The following PCSK4 variants were observed in gnomAD, a reference collection of about 807,000 sequenced individuals.
The protein encoded by PCSK4 is proprotein convertase subtilisin/kexin type 4, also known as testicular tissue protein Li 135.
Under a neutral mutation model 80.3 loss-of-function variants are expected in PCSK4, and 64 were observed. The observed-to-expected ratio is 0.80, with a 90% CI of 0.65 to 0.98. PCSK4 has a LOEUF of 0.98. PCSK4 is among the 50% of genes least tolerant of loss of function. PCSK4 has a pLI of 0.00. For synonymous variants in PCSK4, 561 were observed against 487.6 expected, an observed-to-expected ratio of 1.15 and a Z score of -1.98; for missense variants, 1,213 against 1,093.6, an observed-to-expected ratio of 1.11 and a Z score of -1.54.
chr19:1,482,844 G>C (rs1360749283), intron 13 of PCSK4, 52 bp downstream of exon 13: 9 of 1,594,952 alleles, frequency 5.6e-6, no homozygotes, highest in Middle Eastern at 1.8e-4. Flanking sequence ...GAGCCCCTGG[G>C]GGGAGGTTGG....
At chr19:1,484,218 T>A in intron 8 of PCSK4, 91 bp from the exon 9 acceptor site, 1 of 735,126 alleles carries the variant, frequency 1.4e-6, no homozygotes, top group Non-Finnish European at 2.3e-6. Flanking sequence ...GCGGGCGCAG[T>A]GGCTCAGGCC....
At chr19:1,489,595 G>A (rs558807529) in intron 2 of PCSK4, 198 bp downstream of exon 2, 2 of 950,266 alleles carry the variant, frequency 2.1e-6, no homozygotes, top group African/African-American at 1.7e-5. Flanking sequence ...CTGTGTACCA[G>A]GCCCTGGCAG....
At chr19:1,489,604 A>C in intron 2 of PCSK4, 189 bp downstream of exon 2, 3 of 1,012,616 alleles carry the variant, frequency 3.0e-6, no homozygotes, top group Middle Eastern at 2.5e-4. Flanking sequence ...AGGCCCTGGC[A>C]GGCGCCATGA....
At chr19:1,487,715 T>C in intron 5 of PCSK4, 24 bp from the exon 6 acceptor site, 1 of 1,550,298 alleles carries the variant, frequency 6.5e-7, no homozygotes, top group Non-Finnish European at 8.7e-7. Flanking sequence ...CAAGAGGGGC[T>C]CCTGTCACGG....
At chr19:1,481,438 G>A (rs548362508) in exon 15 of PCSK4, 2 of 250,596 alleles carry the variant, frequency 8.0e-6, no homozygotes, top group Non-Finnish European at 7.6e-6. Context: ...CACCTTCTAA[G>A]CAACCTTTAT....
exon 8 of PCSK4, chr19:1,487,037 A>G (rs1279542507): frequency 1.9e-6 from 3 of 1,607,452 alleles, no homozygotes; most frequent in Non-Finnish European, 2.5e-6. Flanking sequence ...CGAGGCCCAG[A>G]TGAAGAGCGT....
chr19:1,483,653 G>C, exon 11 of PCSK4: 1 of 1,586,722 alleles, frequency 6.3e-7, no homozygotes, highest in Non-Finnish European at 8.5e-7. Context: ...GTCTCACGTG[G>C]GGCGGCTCTG....
At position 1,483,617 on chromosome 19, in the gene PCSK4, C is replaced by T. The variant is rs777956138; in HGVS notation, c.1391+33G>A. 11 of 1,516,670 alleles carry T rather than the reference C, an allele frequency of 7.3e-6. No homozygotes were observed. In the East Asian group the frequency reaches 1.2e-4, roughly 16 times the overall value. The allele number at this position is 1,516,670 out of a possible 1,614,324, so 94.0% of individuals were successfully genotyped here. A position where few individuals can be genotyped will look rare whatever the true frequency, so the allele number is the denominator to read the frequency against. ...TCAGGCCTGTCCCCCACACCCCCAGCGGGGATAGCGGAGGGGCGCGCAGGG... is the reference window on the plus strand; with the variant it reads ...TCAGGCCTGTCCCCCACACCCCCAGTGGGGATAGCGGAGGGGCGCGCAGGG... On this transcript the variant is annotated intron_variant, in intron 11 of 14. Coordinates refer to ENST00000300954, the Ensembl canonical transcript of PCSK4.
rs746597525 is a variant in PCSK4, at chr19:1,483,990, G to T, written c.1169+37C>A. 2.0e-6 allele frequency: 3 copies of T among 1,485,098 alleles called. No individual in the cohort carries two copies. In the East Asian group the frequency reaches 8.1e-5, roughly 40 times the overall value. The allele number at this position is 1,485,098 out of a possible 1,614,324, so 92.0% of individuals were successfully genotyped here. A position where few individuals can be genotyped will look rare whatever the true frequency, so the allele number is the denominator to read the frequency against. Reference sequence around the variant, plus strand: ...GGGTGAGCCGCCGGGCCGCGCCTGGGGGCGAGGGCGGTGGACCGGGCCCCG... The same window carrying T: ...GGGTGAGCCGCCGGGCCGCGCCTGGTGGCGAGGGCGGTGGACCGGGCCCCG... On this transcript the variant is annotated intron_variant, in intron 9 of 14. Transcript: ENST00000300954.
intron 8 of PCSK4, among the ~76,000 whole-genome samples, chr19:1,485,426 A>G (rs557241286): frequency 6.6e-5 from 10 of 151,964 alleles, no homozygotes; most frequent in African/African-American, 2.2e-4. Context: ...AATTAGCAGG[A>G]CATGGTGGCA....
Position 1,481,959 on chromosome 19 carries a change from C to T in PCSK4, c.2068G>A (p.Asp690Asn), listed in dbSNP as rs370118405. Reference sequence around the variant, plus strand: ...GCAGCTCTAAGCCGGGGGCGGCTGTCGGGGGTGGTGGGTCCCATGCAGGAG... The same window carrying T: ...GCAGCTCTAAGCCGGGGGCGGCTGTTGGGGGTGGTGGGTCCCATGCAGGAG... The change falls in exon 15 of 15, where the codon GAC (aspartate) becomes AAC (asparagine). Residue 690 changes from aspartate (D) to asparagine (N), a missense_variant. By Grantham distance (23) the Asp-to-Asn change is conservative (BLOSUM62 1). Transcript: ENST00000300954. 458 of 1,592,690 alleles carry T rather than the reference C, an allele frequency of 2.9e-4. 2 individuals carry two copies. In the South Asian group the frequency reaches 4.3e-3, roughly 15 times the overall value.
rs1049207370 is a variant in PCSK4 at position 1,487,925 on chromosome 19, C to G, written c.516+39G>C. ...CCCTAGGGTGGTGCCAGCCTCGGCA[C>G]CTGGGGCAGCCCTCGCCCACAGCCA... On this transcript the variant is annotated intron_variant, in intron 4 of 14. Transcript: ENST00000300954. The G allele has an allele frequency of 3.1e-6, 5 of 1,589,636 alleles. No individual in the cohort carries two copies. The African/African-American group carries it at 4.0e-5, about 13-fold the overall frequency.
Position 1,483,817 on chromosome 19 carries a change from C to T in PCSK4, c.1273+21G>A, listed in dbSNP as rs1261559328. On this transcript the variant is annotated intron_variant, in intron 10 of 14. Coordinates refer to ENST00000300954, the Ensembl canonical transcript of PCSK4. ...CGCCCCGTGGGCCCCGGGTCCCCGC[C>T]CCCGCCCGGCCCCGCCGCACCTTGG... 10 of 1,483,008 alleles carry T rather than the reference C, an allele frequency of 6.7e-6. No individual in the cohort carries two copies. In the African/African-American group the frequency reaches 1.5e-4, roughly 22 times the overall value. 91.9% of individuals were successfully genotyped at this position (1,483,008 alleles called of 1,614,324 possible).
At chr19:1,488,004 T>C in exon 4 of PCSK4, 1 of 1,613,278 alleles carries the variant, frequency 6.2e-7, no homozygotes, top group Non-Finnish European at 8.5e-7. Flanking sequence ...CTCGATGCCA[T>C]CGTCCAGCAC....
chr19:1,490,102 A>C, intron 1 of PCSK4, 56 bp downstream of exon 1: 1 of 1,601,198 alleles, frequency 6.2e-7, no homozygotes, highest in Admixed American at 1.7e-5. Context: ...GTCGGGGTCT[A>C]GGGTTGTTCA....
chr19:1,487,784 C>T lies in PCSK4; in HGVS notation c.593+1G>A, dbSNP rs563199229. 53 of 1,574,962 alleles carry T rather than the reference C, an allele frequency of 3.4e-5. No individual in the cohort carries two copies. The African/African-American group carries it at 4.4e-4, about 13-fold the overall frequency. The stretch of plus-strand genomic sequence containing the variant: ...CCGTGTGCTGTGGGAGCCCTGCTCA[C>T]CGGTTCTCTTTGCTGGGGGTGTAGC... On this transcript the variant is annotated splice_donor_variant, in intron 5 of 14. Transcript: ENST00000300954. LOFTEE classifies it high-confidence loss of function.
intron 8 of PCSK4, among the ~76,000 whole-genome samples, chr19:1,484,600 C>T (rs1382773031): frequency 1.3e-5 from 2 of 151,434 alleles, no homozygotes; most frequent in African/African-American, 2.4e-5. Context: ...GGTGGATCAC[C>T]GGAGGTCAGG....
chr19:1,482,632 G>A (rs926380081), intron 13 of PCSK4, 157 bp from the exon 14 acceptor site: 51 of 954,288 alleles, frequency 5.3e-5, no homozygotes, highest in Non-Finnish European at 7.3e-5. Context: ...GCCTGTCACT[G>A]GACACCGACA....
rs147207947 is a variant in PCSK4 at position 1,484,975 on chromosome 19, G to T, written c.1069-848C>A. Among the ~76,000 whole-genome samples, 44 of 151,796 alleles carry T rather than the reference G, an allele frequency of 2.9e-4. 2 individuals are homozygous for T. The East Asian group carries it at 8.6e-3, about 30-fold the overall frequency. On this transcript the variant is annotated intron_variant, in intron 8 of 14. Transcript: ENST00000300954. Reference sequence around the variant, plus strand: ...GCTTGTGGCAACATGGTGAAACCCCGTCTCTACAGGAAAAATACAAGAATT... The same window carrying T: ...GCTTGTGGCAACATGGTGAAACCCCTTCTCTACAGGAAAAATACAAGAATT...
Sources: allele counts gnomAD v4.1 joint callset (sites outside exome capture counted in the v4.1 genomes callset), GRCh38; gene constraint gnomAD v4.1.1; transcripts MANE v1.5; gene names NCBI Gene and HGNC (gene_info 2026-07-23, HGNC 2026-07-21).